The following UNC5C variants were observed in gnomAD, a reference collection of about 807,000 sequenced individuals.
UNC5C encodes the protein netrin receptor UNC5C.
UNC5C carries 47 observed loss-of-function variants against 99.8 expected under a neutral mutation model. The ratio of observed to expected loss-of-function variants is 0.47; its 90% CI spans 0.37 to 0.60. The LOEUF (loss-of-function observed/expected upper bound fraction) is 0.60. UNC5C is among the 20% of genes least tolerant of loss of function. UNC5C has a pLI of 0.00. For missense variants in UNC5C, 1,062 were observed against 1,165.9 expected (o/e 0.91, Z 1.30); for synonymous variants, 487 against 452.2 (o/e 1.08, Z -0.98).
chr4:95,391,974 T>C (rs75715420), intron 1 of UNC5C, among the ~76,000 whole-genome samples: 2,979 of 152,218 alleles, frequency 0.02, 54 homozygotes, highest in Non-Finnish European at 0.031. Flanking sequence ...GGAGGATCAC[T>C]TGAGCCCCAG....
Position 95,448,238 on chromosome 4 carries a change from G to GAGAGAGAC in UNC5C, c.124+100495_124+100496insGTCTCTCT, listed in dbSNP as rs34259132. Among the ~76,000 whole-genome samples the GAGAGAGAC allele has an allele frequency of 9.3e-4, 128 of 137,016 alleles. 1 individual carries two copies. Among genetic ancestry groups the GAGAGAGAC allele is most frequent in the Middle Eastern group, 3.8e-3 (1 of 266 alleles). The allele number at this position is 137,016 out of a possible 152,430, so 89.9% of individuals were successfully genotyped here. ...TGTGTGTGTGTGTGTGAGAGAGAGA[G>GAGAGAGAC]AGAGAGAGAGAGAGAGAGAGAGAGA... On this transcript the variant is annotated intron_variant, in intron 1 of 15. Coordinates refer to ENST00000453304, the MANE Select transcript of UNC5C (RefSeq NM_003728.4).
chr4:95,192,463 T>TTCACCTCCTCCCCTTC (rs1737183957), intron 12 of UNC5C, among the ~76,000 whole-genome samples: 1 of 73,680 alleles, frequency 1.4e-5, no homozygotes, highest in Non-Finnish European at 2.6e-5. Flanking sequence ...TCCTTCCCTG[T>TTCACCTCCTCCCCTTC]TCACCTCCTC....
In UNC5C at chr4:95,200,808, C is replaced by G. The variant is rs553829923; in HGVS notation, c.2136+1923G>C. 5.3e-5 allele frequency among the ~76,000 whole-genome samples: 8 copies of G among 152,248 alleles called. No individual in the cohort carries two copies. In the South Asian group the frequency reaches 1.7e-3, roughly 32 times the overall value. On this transcript the variant is annotated intron_variant, in intron 12 of 15. Coordinates refer to ENST00000453304, the MANE Select transcript of UNC5C (RefSeq NM_003728.4). ...CGTGCCTTGGGCATCTTTTATACCTCTAATTCAGTATTCCAAAAGAAAAGG... is the reference window on the plus strand; with the variant it reads ...CGTGCCTTGGGCATCTTTTATACCTGTAATTCAGTATTCCAAAAGAAAAGG...
chr4:95,545,796 T>A (rs963593866), intron 1 of UNC5C, among the ~76,000 whole-genome samples: 3 of 137,052 alleles, frequency 2.2e-5, no homozygotes, highest in Non-Finnish European at 4.6e-5. Context: ...ACACACACAC[T>A]GCCTTTTACT....
At chr4:95,510,645 G>T (rs892303247) in intron 1 of UNC5C, among the ~76,000 whole-genome samples, 3 of 151,892 alleles carry the variant, frequency 2.0e-5, no homozygotes, top group African/African-American at 4.8e-5. Flanking sequence ...TACCTTAAGG[G>T]TAGTGTGCTG....
chr4:95,533,771 A>G (rs1722710015), intron 1 of UNC5C, among the ~76,000 whole-genome samples: 1 of 152,192 alleles, frequency 6.6e-6, no homozygotes, highest in South Asian at 2.1e-4. Context: ...ATATTCAGAA[A>G]ATTAGTTTTT....
chr4:95,170,296 C>G lies in UNC5C; in HGVS notation c.2488G>C (p.Ala830Pro), dbSNP rs763759984. 6.2e-7 allele frequency: 1 copy of G among 1,614,138 alleles called. No homozygotes were observed. Among genetic ancestry groups the G allele is most frequent in the Non-Finnish European group, 8.5e-7 (1 of 1,180,030 alleles). Residue 830 changes from alanine to proline, a missense_variant, in exon 15 of 16, where the codon GCG becomes CCG. By Grantham distance (27) the Ala-to-Pro change is conservative. This residue lies in a region of UNC5C where 810 missense variants were observed against 854.5 expected (regional missense o/e 0.95). Coordinates refer to ENST00000453304, the MANE Select transcript of UNC5C (RefSeq NM_003728.4). Reference sequence around the variant, plus strand: ...CCCGTGACCGTGGTGATGGTGTTCGCAGGATCCAGCAGCGGCAAATCGATG... The same window carrying G: ...CCCGTGACCGTGGTGATGGTGTTCGGAGGATCCAGCAGCGGCAAATCGATG... ...TGIDLPLLDP[A>P]NTITTVTGPS...
chr4:95,442,980 A>G (rs1049605774), intron 1 of UNC5C, among the ~76,000 whole-genome samples: 1 of 152,202 alleles, frequency 6.6e-6, no homozygotes, highest in Admixed American at 6.5e-5. Context: ...CTTGCCTTCA[A>G]AGAGCTCGCA....
chr4:95,254,795 A>C (rs150083626), intron 4 of UNC5C, among the ~76,000 whole-genome samples: 1 of 152,250 alleles, frequency 6.6e-6, no homozygotes, highest in Non-Finnish European at 1.5e-5. Context: ...TCACTCTAAG[A>C]TACTGAATTC....
chr4:95,230,556 T>C (rs2149373056), intron 7 of UNC5C, among the ~76,000 whole-genome samples: 1 of 152,284 alleles, frequency 6.6e-6, no homozygotes, highest in Non-Finnish European at 1.5e-5. Context: ...GGTTTTCTTC[T>C]AGGGTTTTTA....
At chr4:95,482,533 C>G (rs1204142349) in intron 1 of UNC5C, among the ~76,000 whole-genome samples, 2 of 149,378 alleles carry the variant, frequency 1.3e-5, no homozygotes, top group Non-Finnish European at 3.0e-5. Flanking sequence ...GACTATAAAT[C>G]ATGCTGCTAT....
Position 95,169,044 on chromosome 4 carries a change from C to T in UNC5C, c.*190G>A. ...AAATTTACACAATTTTTCTTAACTC[C>T]CGTGATGATGTCCGAGTAAAGTGGG... is the stretch of plus-strand genomic sequence containing the variant. On this transcript the variant is annotated 3_prime_UTR_variant, in exon 16 of 16. Coordinates refer to ENST00000453304, the MANE Select transcript of UNC5C (RefSeq NM_003728.4). The T allele has an allele frequency of 3.1e-6, 2 of 636,620 alleles. No individual in the cohort carries two copies. Among genetic ancestry groups the T allele is most frequent in the Non-Finnish European group, 5.2e-6 (2 of 381,250 alleles). The allele number at this position is 636,620 out of a possible 1,614,324, so 39.4% of individuals were successfully genotyped here.
chr4:95,483,365 GTAAA>G (rs1187214733), intron 1 of UNC5C, among the ~76,000 whole-genome samples: 1 of 151,456 alleles, frequency 6.6e-6, no homozygotes, highest in Non-Finnish European at 1.5e-5. Flanking sequence ...TCTTTATTTT[GTAAA>G]TATTCACCCC....
At chr4:95,479,934 C>G (rs1035334538) in intron 1 of UNC5C, among the ~76,000 whole-genome samples, 5 of 148,612 alleles carry the variant, frequency 3.4e-5, no homozygotes, top group African/African-American at 7.6e-5. Flanking sequence ...CTGAATAGAA[C>G]AAAAAGGCTG....
rs768036143 is a variant in UNC5C at position 95,540,523 on chromosome 4, C to T, written c.124+8211G>A. Among the ~76,000 whole-genome samples, 6 of 152,122 alleles carry T rather than the reference C, an allele frequency of 3.9e-5. No homozygotes were observed. In the South Asian group the frequency reaches 1.2e-3, roughly 32 times the overall value. ...AACACATTTTTAAGCTTTATTCTTT[C>T]ATCATCTTACAGAGGAGATCCAGAA... On this transcript the variant is annotated intron_variant, in intron 1 of 15. Transcript: ENST00000453304.
chr4:95,488,286 C>T (rs1452146139), intron 1 of UNC5C, among the ~76,000 whole-genome samples: 4 of 151,582 alleles, frequency 2.6e-5, no homozygotes, highest in Non-Finnish European at 5.9e-5. Context: ...CAATATTATT[C>T]ATAACAACAA....
chr4:95,177,910 G>A (rs1736438155), intron 14 of UNC5C, among the ~76,000 whole-genome samples: 1 of 150,750 alleles, frequency 6.6e-6, no homozygotes. Flanking sequence ...GTCTCACTGT[G>A]TTGTCCAGAT....
intron 1 of UNC5C, among the ~76,000 whole-genome samples, chr4:95,493,278 C>A (rs575084491): frequency 8.6e-5 from 13 of 151,178 alleles, no homozygotes; most frequent in African/African-American, 2.9e-4. Flanking sequence ...AATTCCAGGC[C>A]AGAAATAAGG....
intron 2 of UNC5C, among the ~76,000 whole-genome samples, chr4:95,311,994 C>G (rs1051015916): frequency 2.0e-5 from 3 of 151,680 alleles, no homozygotes; most frequent in African/African-American, 7.3e-5. Flanking sequence ...TTATGGTGAG[C>G]TATGATTGCA....
Sources: gnomAD v4.1 joint callset for allele counts (sites outside exome capture counted in the v4.1 genomes callset) on GRCh38, gnomAD v4.1.1 for gene constraint, gnomAD v4.1.1 regional missense constraint, MANE v1.5 for transcripts, NCBI Gene and HGNC (gene_info 2026-07-23, HGNC 2026-07-21) for gene names.